SEMA7A: variants seen among roughly 807,000 people sequenced by gnomAD.
The protein encoded by SEMA7A is semaphorin 7A (JohnMiltonHagen blood group).
In SEMA7A, 21 loss-of-function variants were observed where a neutral mutation model predicts 67.5. That is an observed-to-expected ratio of 0.31 (90% CI 0.22 to 0.45). SEMA7A has a LOEUF of 0.45. Ranked by LOEUF, SEMA7A falls within the 20% of genes least tolerant of loss-of-function variation. The pLI is 1.00. For missense variants in SEMA7A, 774 were observed against 908.6 expected, an observed-to-expected ratio of 0.85 and a Z score of 1.90; for synonymous variants, 364 against 368.5, an observed-to-expected ratio of 0.99 and a Z score of 0.14.
intron 4 of SEMA7A, 42 bp from the exon 5 acceptor site, chr15:74,417,717 A>G: frequency 6.4e-7 from 1 of 1,573,774 alleles, no homozygotes; most frequent in Non-Finnish European, 8.7e-7. Context: ...ATAATCCCAC[A>G]GCCACTGCCT....
At chr15:74,416,544 C>G (rs371507166) in intron 7 of SEMA7A, 31 bp downstream of exon 7, 4 of 1,609,252 alleles carry the variant, frequency 2.5e-6, no homozygotes, top group Non-Finnish European at 3.4e-6. Flanking sequence ...TGCACAGACA[C>G]GTAGCCAGCA....
chr15:74,416,374 C>T (rs536162824), intron 7 of SEMA7A, among the ~76,000 whole-genome samples: 6 of 152,200 alleles, frequency 3.9e-5, no homozygotes, highest in South Asian at 2.1e-4. Flanking sequence ...CGCCATCATA[C>T]GTGCACAGGA....
intron 7 of SEMA7A, among the ~76,000 whole-genome samples, chr15:74,416,318 AAC>A (rs371685466): frequency 3.3e-3 from 488 of 146,838 alleles, no homozygotes; most frequent in East Asian, 9.7e-3. Context: ...ACACAGGCAA[AAC>A]ACACACACAC....
intron 1 of SEMA7A, among the ~76,000 whole-genome samples, chr15:74,427,868 G>T (rs189683388): frequency 6.6e-6 from 1 of 152,188 alleles, no homozygotes; most frequent in Non-Finnish European, 1.5e-5. Context: ...GAATGTGGGG[G>T]CTCCCCAAGG....
In SEMA7A at chr15:74,425,226, C is replaced by A. The variant is rs1010808601; in HGVS notation, c.179-6274G>T. The stretch of plus-strand genomic sequence containing the variant: ...TGCCCCTACCACCCAACCCTTCCAT[C>A]GCATTTACTACGTGCCAAACACTAT... On this transcript the variant is annotated intron_variant, in intron 1 of 13. Transcript: ENST00000261918. Among the ~76,000 whole-genome samples the A allele has an allele frequency of 3.3e-5, 5 of 152,208 alleles. No individual in the cohort carries two copies. In the South Asian group the frequency reaches 1.0e-3, roughly 31 times the overall value.
Position 74,411,928 on chromosome 15 carries a change from C to A in SEMA7A, c.1379G>T (p.Arg460Leu). ...AFNIMEIQPF[R>L]RAAAIQTMSL... ...CATGGTCTGGATGGCAGCCGCGCGG[C>A]GGAAGGGCTGGATCTCCATGATGTT... The change falls in exon 11 of 14, where the codon CGC becomes CTC. Residue 460 changes from arginine (R) to leucine (L), a missense_variant. By Grantham distance (102) the Arg-to-Leu change is moderately radical (BLOSUM62 -2). Around this residue, in one of 2 missense-constraint regions of SEMA7A, gnomAD observed 427 missense variants for 555.4 expected, o/e 0.77. Coordinates refer to ENST00000261918, the MANE Select transcript of SEMA7A (RefSeq NM_003612.5). The surrounding 1 kb of genome is among the most constrained non-coding windows in gnomAD (Gnocchi z 4.4). The A allele has an allele frequency of 1.9e-6, 3 of 1,614,000 alleles. No individual in the cohort carries two copies. The highest frequency in any genetic ancestry group is 2.5e-6 in the Non-Finnish European group (3 of 1,180,036).
At chr15:74,429,720 C>G (rs12594738) in intron 1 of SEMA7A, among the ~76,000 whole-genome samples, 13,647 of 152,206 alleles carry the variant, frequency 0.09, 983 homozygotes, top group African/African-American at 0.2. Context: ...CTATGCCCAT[C>G]TGGACAAGTT....
At chr15:74,432,793 C>T (rs1172622242) in intron 1 of SEMA7A, among the ~76,000 whole-genome samples, 1 of 152,120 alleles carries the variant, frequency 6.6e-6, no homozygotes. Context: ...AGAGCCGAAT[C>T]GGACTGGGGG....
intron 1 of SEMA7A, among the ~76,000 whole-genome samples, chr15:74,428,886 C>A (rs2061063811): frequency 1.3e-5 from 2 of 152,216 alleles, no homozygotes; most frequent in Non-Finnish European, 2.9e-5. Context: ...GCCTGGCTGG[C>A]TAGGGAAGGG....
Position 74,417,435 on chromosome 15 carries a change from C to T in SEMA7A, c.561G>A (p.Val187=). The T allele has an allele frequency of 6.2e-7, 1 of 1,613,838 alleles. No homozygotes were observed. The highest frequency in any genetic ancestry group is 8.5e-7 in the Non-Finnish European group (1 of 1,179,908). Residue 187 remains valine, a synonymous_variant, in exon 6 of 14, where the codon GTG becomes GTA. Coordinates refer to ENST00000261918, the MANE Select transcript of SEMA7A (RefSeq NM_003612.5). Reference sequence around the variant, plus strand: ...ATTCCTGCTTCCGGATGGTGGAATACACCTCGTCCCCTGGGGTCAGTGGGA... The same window carrying T: ...ATTCCTGCTTCCGGATGGTGGAATATACCTCGTCCCCTGGGGTCAGTGGGA... The part of the protein sequence containing the change: ...NSLVLFEGDE[V]YSTIRKQEYN...
chr15:74,432,055 T>C (rs1359305805), intron 1 of SEMA7A, among the ~76,000 whole-genome samples: 2 of 132,928 alleles, frequency 1.5e-5, no homozygotes, highest in Non-Finnish European at 3.1e-5. Flanking sequence ...GGATGGGATG[T>C]ATGCATTAAG....
At chr15:74,424,171 C>T (rs571048136) in intron 1 of SEMA7A, among the ~76,000 whole-genome samples, 3 of 152,282 alleles carry the variant, frequency 2.0e-5, no homozygotes, top group Non-Finnish European at 2.9e-5. Flanking sequence ...GCCTCATTAT[C>T]TCTTTGGTGG....
At chr15:74,413,995 C>A (rs2060923708) in intron 10 of SEMA7A, among the ~76,000 whole-genome samples, 1 of 152,198 alleles carries the variant, frequency 6.6e-6, no homozygotes, top group African/African-American at 2.4e-5. Context: ...CAGCTTCCCC[C>A]AGCAGGGCCT....
chr15:74,433,547 A>C, intron 1 of SEMA7A, 194 bp downstream of exon 1: 1 of 1,210,240 alleles, frequency 8.3e-7, no homozygotes, highest in Non-Finnish European at 1.0e-6. Context: ...GCAGCGTTAC[A>C]GCCGGCTCTG....
In SEMA7A at chr15:74,411,253, C is replaced by T. The variant is rs1317244019; in HGVS notation, c.1639+42G>A. The T allele has an allele frequency of 1.3e-6, 2 of 1,597,098 alleles. No individual in the cohort carries two copies. Among genetic ancestry groups the T allele is most frequent in the South Asian group, 1.1e-5 (1 of 89,354 alleles). On this transcript the variant is annotated intron_variant, in intron 13 of 13. Transcript: ENST00000261918. This position sits in a 1 kb window ranked among gnomAD's most constrained non-coding sequence, Gnocchi z 4.4. ...GGACAATCAGGGCAGGGCAGTACCC[C>T]ACTCATTGGGCCACAGCCGCCAGCA...
chr15:74,410,807 C>T lies in SEMA7A; in HGVS notation c.1818G>A (p.Gln606=), dbSNP rs757940768. The T allele has an allele frequency of 1.2e-6, 2 of 1,614,234 alleles. No individual in the cohort carries two copies. Among genetic ancestry groups the T allele is most frequent in the Non-Finnish European group, 1.7e-6 (2 of 1,180,046 alleles). The change falls in exon 14 of 14, where the codon CAG becomes CAA. Residue 606 remains glutamine (Q), a synonymous_variant. Coordinates refer to ENST00000261918, the MANE Select transcript of SEMA7A (RefSeq NM_003612.5). This position sits in a 1 kb window ranked among gnomAD's most constrained non-coding sequence, Gnocchi z 7.5. ...CILFIENLTA[Q]QYGHYFCEAQ... is the part of the protein sequence containing the mutation. ...CCTCGCAGAAGTAGTGGCCGTACTG[C>T]TGCGCCGTGAGGTTCTCGATGAACA...
intron 1 of SEMA7A, 45 bp downstream of exon 1, chr15:74,433,696 G>A: frequency 7.2e-7 from 1 of 1,381,972 alleles, no homozygotes; most frequent in Non-Finnish European, 9.3e-7. Context: ...CCCGCCCCGC[G>A]CAGCGTCTGA....
intron 1 of SEMA7A, among the ~76,000 whole-genome samples, chr15:74,425,455 C>T (rs995186078): frequency 6.6e-6 from 1 of 152,126 alleles, no homozygotes; most frequent in Non-Finnish European, 1.5e-5. Context: ...CTTATAACAT[C>T]GTATTCCAGA....
Position 74,411,816 on chromosome 15 carries a change from A to G in SEMA7A, c.1422+69T>C. 6.2e-7 allele frequency: 1 copy of G among 1,603,924 alleles called. No individual in the cohort carries two copies. Among genetic ancestry groups the G allele is most frequent in the Non-Finnish European group, 8.5e-7 (1 of 1,175,320 alleles). On this transcript the variant is annotated intron_variant, in intron 11 of 13. Coordinates refer to ENST00000261918, the MANE Select transcript of SEMA7A (RefSeq NM_003612.5). This position sits in a 1 kb window ranked among gnomAD's most constrained non-coding sequence, Gnocchi z 4.4. ...GCTCTTAAAAGAACACACAAATCAC[A>G]TGCAAAGGAGCCCTGTCCTCAGCTG... is the stretch of plus-strand genomic sequence containing the variant.
Sources: gnomAD v4.1 joint callset for allele counts (sites outside exome capture counted in the v4.1 genomes callset) on GRCh38, gnomAD v4.1.1 for gene constraint, gnomAD v4.1.1 regional missense constraint, Gnocchi (gnomAD v3.1) non-coding constraint, MANE v1.5 for transcripts, NCBI Gene and HGNC (gene_info 2026-07-23, HGNC 2026-07-21) for gene names.